SCRG1: variants seen among roughly 807,000 people sequenced by gnomAD.
The protein encoded by SCRG1 is scrapie-responsive protein 1.
SCRG1 carries 3 observed loss-of-function variants against 7.7 expected under a neutral mutation model. That is an observed-to-expected ratio of 0.39 (90% CI 0.18 to 1.01). The LOEUF is 1.01. SCRG1 is among the 50% of genes least tolerant of loss of function. The pLI, the probability that SCRG1 is intolerant of heterozygous loss-of-function variation, is 0.36. For missense variants in SCRG1, 110 were observed against 117.2 expected, an observed-to-expected ratio of 0.94 and a Z score of 0.28; for synonymous variants, 46 against 41.2, an observed-to-expected ratio of 1.12 and a Z score of -0.44.
chr4:173,432,242 TCTTCCTTCTTTCCTTC>T, the SCRG1 span, among the ~76,000 whole-genome samples: 9 of 149,680 alleles, frequency 6.0e-5, no homozygotes, highest in South Asian at 8.8e-4. Context: ...TTCTTTCCTT[TCTTCCTTCTTTCCTTC>T]CTTCCTTATT....
the SCRG1 span, among the ~76,000 whole-genome samples, chr4:173,511,480 TTCTC>T: frequency 6.6e-6 from 1 of 152,184 alleles, no homozygotes; most frequent in Non-Finnish European, 1.5e-5. The surrounding 1 kb of genome is among the most constrained non-coding windows in gnomAD (Gnocchi z 5.2). Context: ...TGCTGCAACT[TTCTC>T]TTTATTTATG....
chr4:173,517,906 G>A, the SCRG1 span, among the ~76,000 whole-genome samples: 1 of 152,246 alleles, frequency 6.6e-6, no homozygotes, highest in African/African-American at 2.4e-5. Flanking sequence ...GCCAGAGCGA[G>A]AGCGAGTGAG....
chr4:173,406,562 C>A (rs990474134), upstream of SCRG1, among the ~76,000 whole-genome samples: 5 of 152,154 alleles, frequency 3.3e-5, no homozygotes, highest in African/African-American at 4.8e-5. Context: ...CTTGTACATA[C>A]CATTACATTA....
At chr4:173,503,399 G>T in the SCRG1 span, among the ~76,000 whole-genome samples, 2 of 152,274 alleles carry the variant, frequency 1.3e-5, no homozygotes, top group South Asian at 4.1e-4. This position sits in a 1 kb window ranked among gnomAD's most constrained non-coding sequence, Gnocchi z 6.4. Context: ...CAAAGTCAGA[G>T]ATTGCAGATC....
chr4:173,466,763 G>C, the SCRG1 span, among the ~76,000 whole-genome samples: 1 of 152,148 alleles, frequency 6.6e-6, no homozygotes. Context: ...CACACTGAAA[G>C]CTGTAAAACT....
the SCRG1 span, among the ~76,000 whole-genome samples, chr4:173,418,014 T>A: frequency 0.39 from 59,980 of 152,012 alleles, 12,636 homozygotes; most frequent in Admixed American, 0.56. Context: ...GCAGGTTGAC[T>A]GTGGGTCAGC....
the SCRG1 span, among the ~76,000 whole-genome samples, chr4:173,412,492 C>T: frequency 1.5e-4 from 23 of 152,314 alleles, no homozygotes; most frequent in East Asian, 3.3e-3. Context: ...CTCTTAACAT[C>T]GCTCAGGTGA....
the SCRG1 span, among the ~76,000 whole-genome samples, chr4:173,517,550 A>C: frequency 6.6e-6 from 1 of 152,102 alleles, no homozygotes. Context: ...GTGTCCCAGG[A>C]CTGCAAGTAA....
chr4:173,483,652 T>TCA, the SCRG1 span, among the ~76,000 whole-genome samples: 69 of 24,552 alleles, frequency 2.8e-3, 7 homozygotes, highest in Middle Eastern at 0.033. Context: ...ATATGATATA[T>TCA]TATATTGTGA....
chr4:173,489,954 A>G, the SCRG1 span, among the ~76,000 whole-genome samples: 1 of 152,242 alleles, frequency 6.6e-6, no homozygotes, highest in Non-Finnish European at 1.5e-5. Context: ...ACGGAAAAAT[A>G]TAAATGCATT....
chr4:173,474,299 C>T, the SCRG1 span, among the ~76,000 whole-genome samples: 1 of 152,142 alleles, frequency 6.6e-6, no homozygotes, highest in East Asian at 1.9e-4. Context: ...GATGGGAATA[C>T]ATCCTTTGCT....
At chr4:173,470,157 C>T in the SCRG1 span, 4 of 110,662 alleles carry the variant, frequency 3.6e-5, no homozygotes, top group Admixed American at 1.1e-4. Context: ...GGGTGGTGGT[C>T]GGGATGTGTT....
At chr4:173,487,012 C>G in the SCRG1 span, among the ~76,000 whole-genome samples, 2 of 152,120 alleles carry the variant, frequency 1.3e-5, no homozygotes. Flanking sequence ...TGATTCTTAC[C>G]CTGGCTGCAC....
chr4:173,484,961 A>T, the SCRG1 span, among the ~76,000 whole-genome samples: 1 of 56,468 alleles, frequency 1.8e-5, no homozygotes, highest in Non-Finnish European at 3.0e-5. Context: ...AATATTATAT[A>T]TATTATATAT....
At chr4:173,493,612 G>A in the SCRG1 span, among the ~76,000 whole-genome samples, 2 of 134,540 alleles carry the variant, frequency 1.5e-5, no homozygotes, top group African/African-American at 6.3e-5. Flanking sequence ...GCAAGACTCA[G>A]TCAGAAAAAA....
At chr4:173,495,203 T>C in the SCRG1 span, among the ~76,000 whole-genome samples, 1 of 152,254 alleles carries the variant, frequency 6.6e-6, no homozygotes, top group Non-Finnish European at 1.5e-5. Context: ...GTATTAGTCA[T>C]AGTGAAAATG....
At chr4:173,422,832 TG>T in the SCRG1 span, among the ~76,000 whole-genome samples, 1 of 152,206 alleles carries the variant, frequency 6.6e-6, no homozygotes, top group Admixed American at 6.5e-5. Context: ...ATATTTTAAT[TG>T]CTATAATTAT....
the SCRG1 span, among the ~76,000 whole-genome samples, chr4:173,517,300 G>A: frequency 6.6e-6 from 1 of 152,180 alleles, no homozygotes; most frequent in Non-Finnish European, 1.5e-5. Context: ...AAGGCATGTG[G>A]GTACAAGAAA....
chr4:173,388,137 T>C lies in SCRG1; in HGVS notation c.*204A>G, dbSNP rs1739293831. 1 of 458,780 alleles carries C rather than the reference T, an allele frequency of 2.2e-6. No homozygotes were observed. The highest frequency in any genetic ancestry group is 3.8e-6 in the Non-Finnish European group (1 of 263,302). The allele number at this position is 458,780 out of a possible 1,614,324, so 28.4% of individuals were successfully genotyped here. The stretch of plus-strand genomic sequence containing the variant: ...TTTTCTAGGCAAAATTTTTAACCAA[T>C]GCCAACAATGTCCACAGAGAAAAAT... On this transcript the variant is annotated 3_prime_UTR_variant, in exon 3 of 3. Transcript: ENST00000296506.
Sources: gnomAD v4.1 joint callset for allele counts (sites outside exome capture counted in the v4.1 genomes callset) on GRCh38, gnomAD v4.1.1 for gene constraint, Gnocchi (gnomAD v3.1) non-coding constraint, MANE v1.5 for transcripts, NCBI Gene and HGNC (gene_info 2026-07-23, HGNC 2026-07-21) for gene names.